Variants in BTNL8 observed in about 807,000 individuals in gnomAD.
BTNL8 encodes butyrophilin like 8, also known as butyrophilin-like protein 8.
Under a neutral mutation model 36.1 loss-of-function variants are expected in BTNL8, and 22 were observed. That is an observed-to-expected ratio of 0.61 (90% CI 0.44 to 0.87). The LOEUF (loss-of-function observed/expected upper bound fraction) is 0.87, where lower values mean the gene tolerates loss of function less well. BTNL8 is among the 40% of genes least tolerant of loss of function. The pLI is 0.00. For synonymous variants in BTNL8, 203 were observed against 235.6 expected (o/e 0.86, Z 1.27); for missense variants, 526 against 616.9 (o/e 0.85, Z 1.56).
chr5:180,910,447 A>C (rs1757337397), intron 2 of BTNL8, among the ~76,000 whole-genome samples: 1 of 152,108 alleles, frequency 6.6e-6, no homozygotes, highest in Non-Finnish European at 1.5e-5. Flanking sequence ...CTTATCATCA[A>C]ACACCTCAAT....
In BTNL8 at chr5:180,913,721, G is replaced by A. The variant is rs145284162; in HGVS notation, c.673+2107G>A. Among the ~76,000 whole-genome samples the A allele has an allele frequency of 7.2e-3, 1,099 of 152,298 alleles. 15 individuals carry two copies. The highest frequency in any genetic ancestry group is 0.025 in the African/African-American group (1,036 of 41,560). ...ACAGAGAGTGACAGGTGGGCATGCTGTTAGGAGCCTTTGCCAGGCCCCTGT... is the reference window on the plus strand; with the variant it reads ...ACAGAGAGTGACAGGTGGGCATGCTATTAGGAGCCTTTGCCAGGCCCCTGT... On this transcript the variant is annotated intron_variant, in intron 3 of 7. Transcript: ENST00000340184.
rs143715747 is a variant in BTNL8, at chr5:180,939,646, G to A, written c.674-7866G>A. On this transcript the variant is annotated intron_variant, in intron 3 of 7. Coordinates refer to ENST00000340184, the MANE Select transcript of BTNL8 (RefSeq NM_001040462.3). ...TGAACTGTCTAGCTGTTGAAGCTGG[G>A]GGCTTCAACACCCCACACTCACCAT... 1.1e-3 allele frequency among the ~76,000 whole-genome samples: 170 copies of A among 152,080 alleles called. 1 individual carries two copies. The highest frequency in any genetic ancestry group is 2.2e-3 in the Admixed American group (33 of 15,282).
At chr5:180,937,450 C>T (rs975836294) in intron 3 of BTNL8, among the ~76,000 whole-genome samples, 12 of 152,124 alleles carry the variant, frequency 7.9e-5, no homozygotes, top group African/African-American at 2.9e-4. Context: ...ACAGCACCCA[C>T]GTATCCAACC....
chr5:180,949,042 G>C, intron 6 of BTNL8, 96 bp downstream of exon 6: 1 of 805,814 alleles, frequency 1.2e-6, no homozygotes, highest in East Asian at 2.9e-5. Flanking sequence ...TCCCTGCAGA[G>C]CCAAGCTTGT....
chr5:180,950,080 G>A lies in BTNL8; in HGVS notation c.1039G>A (p.Gly347Arg), dbSNP rs752895838. Residue 347 changes from glycine to arginine, a missense_variant, in exon 8 of 8, where the codon GGA becomes AGA. Around this residue, in one of 2 missense-constraint regions of BTNL8, gnomAD observed 176 missense variants for 292.3 expected, o/e 0.60. Coordinates refer to ENST00000340184, the MANE Select transcript of BTNL8 (RefSeq NM_001040462.3). ...AGGGAAACATTACTGGGAGGTGGAC[G>A]GAGGACACAATAAAAGGTGGCGCGT... ...QAGKHYWEVD[G>R]GHNKRWRVGV... The A allele has an allele frequency of 5.5e-6, 8 of 1,463,000 alleles. 1 individual carries two copies. The Admixed American group carries it at 5.6e-5, about 10-fold the overall frequency. The allele number at this position is 1,463,000 out of a possible 1,614,324, so 90.6% of individuals were successfully genotyped here. A position where few individuals can be genotyped will look rare whatever the true frequency, so the allele number is the denominator to read the frequency against.
chr5:180,947,549 C>A lies in BTNL8; in HGVS notation c.711C>A (p.Thr237=). ...FFEPISWHLA[T]KVLGILCCGL... ...AGCCTATATCGTGGCACCTGGCTAC[C>A]AAAGTACTGGGAATACTCTGCTGTG... is the stretch of plus-strand genomic sequence containing the variant. Residue 237 remains threonine (T), a synonymous_variant, in exon 4 of 8, where the codon ACC becomes ACA. Transcript: ENST00000340184. The A allele has an allele frequency of 6.2e-7, 1 of 1,613,926 alleles. No individual in the cohort carries two copies. Among genetic ancestry groups the A allele is most frequent in the Middle Eastern group, 1.7e-4 (1 of 6,060 alleles).
intron 1 of BTNL8, 33 bp from the exon 2 acceptor site, chr5:180,908,553 T>G: frequency 6.2e-7 from 1 of 1,604,026 alleles, no homozygotes; most frequent in East Asian, 2.2e-5. Context: ...ACAAAGGGTT[T>G]TGATGATTTA....
intron 3 of BTNL8, among the ~76,000 whole-genome samples, chr5:180,922,607 T>TAATCCCAGCA (rs1757918675): frequency 1.6e-5 from 1 of 62,548 alleles, no homozygotes; most frequent in Non-Finnish European, 3.2e-5. Context: ...GTGTTTTGTG[T>TAATCCCAGCA]CTGATTATGT....
intron 3 of BTNL8, among the ~76,000 whole-genome samples, chr5:180,933,624 T>C (rs1287899919): frequency 6.6e-6 from 1 of 152,084 alleles, no homozygotes; most frequent in Non-Finnish European, 1.5e-5. Context: ...ACAAAACTTA[T>C]GGGGTGCATT....
intron 2 of BTNL8, among the ~76,000 whole-genome samples, chr5:180,910,556 CT>C (rs957606078): frequency 7.2e-5 from 11 of 152,252 alleles, no homozygotes; most frequent in Admixed American, 2.6e-4. Context: ...ATCCCTGAGA[CT>C]TTTTTTTCTT....
chr5:180,945,843 T>G (rs1239347935), intron 3 of BTNL8: 1 of 490,106 alleles, frequency 2.0e-6, no homozygotes, highest in African/African-American at 1.9e-5. Flanking sequence ...AAATATGGCC[T>G]CAATATGTGC....
intron 1 of BTNL8, 104 bp downstream of exon 1, chr5:180,899,463 C>A: frequency 7.6e-7 from 1 of 1,312,872 alleles, no homozygotes; most frequent in South Asian, 1.2e-5. Context: ...GTTTCCATTC[C>A]TTTGGCTTCT....
At chr5:180,925,290 G>A (rs1035121132) in intron 3 of BTNL8, among the ~76,000 whole-genome samples, 1 of 152,094 alleles carries the variant, frequency 6.6e-6, no homozygotes, top group Non-Finnish European at 1.5e-5. Flanking sequence ...AAATATCCAG[G>A]TTCAGGAAGC....
rs140547553 is a variant in BTNL8, at chr5:180,899,257, C to T, written c.-54C>T. 5.7e-5 allele frequency: 91 copies of T among 1,591,720 alleles called. No individual in the cohort carries two copies. The East Asian group carries it at 1.9e-3, about 34-fold the overall frequency. On this transcript the variant is annotated 5_prime_UTR_variant, in exon 1 of 8. Coordinates refer to ENST00000340184, the MANE Select transcript of BTNL8 (RefSeq NM_001040462.3). ...CTCCTCTTCTCTCTAATCCATCCGT[C>T]ACCTCTCCTGTCATCCGTTTCCATG...
intron 1 of BTNL8, among the ~76,000 whole-genome samples, chr5:180,904,953 T>C (rs1424124009): frequency 0.011 from 1,737 of 151,206 alleles, 39 homozygotes; most frequent in African/African-American, 0.04. Context: ...GATTTTTGCA[T>C]CAATGTTCAT....
chr5:180,904,141 T>A (rs1582004897), intron 1 of BTNL8, among the ~76,000 whole-genome samples: 1 of 135,738 alleles, frequency 7.4e-6, no homozygotes, highest in Non-Finnish European at 1.6e-5. Flanking sequence ...ACGATATTGA[T>A]TCTTCCTACC....
chr5:180,920,441 A>T (rs937434997), intron 3 of BTNL8, among the ~76,000 whole-genome samples: 1 of 152,130 alleles, frequency 6.6e-6, no homozygotes, highest in African/African-American at 2.4e-5. Flanking sequence ...CACAAAAATC[A>T]ATTCAAAATG....
chr5:180,920,823 C>T (rs1757831602), intron 3 of BTNL8, among the ~76,000 whole-genome samples: 1 of 151,802 alleles, frequency 6.6e-6, no homozygotes, highest in Non-Finnish European at 1.5e-5. Flanking sequence ...TATTAATAGC[C>T]AAGAGATTTA....
intron 1 of BTNL8, among the ~76,000 whole-genome samples, chr5:180,905,014 T>C (rs2113766742): frequency 6.6e-6 from 1 of 150,968 alleles, no homozygotes; most frequent in East Asian, 2.0e-4. Flanking sequence ...CTGCCTGGCT[T>C]TGGTATCAGA....
Sources: allele counts gnomAD v4.1 joint callset (sites outside exome capture counted in the v4.1 genomes callset), GRCh38; gene constraint gnomAD v4.1.1; regional missense constraint gnomAD v4.1.1; transcripts MANE v1.5; gene names NCBI Gene and HGNC (gene_info 2026-07-23, HGNC 2026-07-21).